CHN2: variants seen among roughly 807,000 people sequenced by gnomAD.
CHN2 encodes the protein beta-chimaerin.
CHN2 carries 35 observed loss-of-function variants against 56.3 expected under a neutral mutation model. That is an observed-to-expected ratio of 0.62 (90% confidence interval 0.47 to 0.82). The LOEUF is 0.82. Ranked by LOEUF, CHN2 falls within the 40% of genes least tolerant of loss-of-function variation. The pLI is 0.00. For synonymous variants in CHN2, 210 were observed against 212.8 expected, an observed-to-expected ratio of 0.99 and a Z score of 0.12; for missense variants, 491 against 580.5, an observed-to-expected ratio of 0.85 and a Z score of 1.58.
At chr7:29,297,608 C>T (rs939064257) in intron 1 of CHN2, among the ~76,000 whole-genome samples, 1 of 151,812 alleles carries the variant, frequency 6.6e-6, no homozygotes, top group Non-Finnish European at 1.5e-5. Flanking sequence ...CTCAAAAATC[C>T]CGAGGCCTTT....
intron 1 of CHN2, among the ~76,000 whole-genome samples, chr7:29,198,183 G>C (rs939645025): frequency 6.6e-6 from 1 of 152,210 alleles, no homozygotes; most frequent in Non-Finnish European, 1.5e-5. Flanking sequence ...CAGTGAAAAA[G>C]GAACAGTTAA....
chr7:29,221,121 G>A (rs1266782217), intron 1 of CHN2, among the ~76,000 whole-genome samples: 1 of 152,114 alleles, frequency 6.6e-6, no homozygotes, highest in Non-Finnish European at 1.5e-5. Flanking sequence ...TTATATAACT[G>A]CATACTTAAT....
intron 1 of CHN2, among the ~76,000 whole-genome samples, chr7:29,344,901 A>C (rs867096168): frequency 2.6e-5 from 4 of 152,134 alleles, no homozygotes; most frequent in Non-Finnish European, 5.9e-5. Flanking sequence ...TCCTCTTGCT[A>C]TGTTACAGTT....
chr7:29,308,664 A>T (rs975583392), intron 1 of CHN2, among the ~76,000 whole-genome samples: 2 of 152,198 alleles, frequency 1.3e-5, no homozygotes, highest in Admixed American at 6.5e-5. Context: ...CACCTGGGCC[A>T]CATTCCATAT....
chr7:29,160,093 C>G (rs918729247), intron 2 of CHN2, among the ~76,000 whole-genome samples: 5 of 152,168 alleles, frequency 3.3e-5, no homozygotes, highest in Admixed American at 2.6e-4. Flanking sequence ...TTCTGGCTCT[C>G]TGATAAAGAA....
At chr7:29,463,537 T>C (rs986689828) in intron 6 of CHN2, among the ~76,000 whole-genome samples, 1 of 152,206 alleles carries the variant, frequency 6.6e-6, no homozygotes, top group Non-Finnish European at 1.5e-5. Context: ...AAGGGCAGTT[T>C]CCTGTGGACT....
chr7:29,169,291 C>CA (rs1386278284), intron 2 of CHN2, among the ~76,000 whole-genome samples: 1 of 152,116 alleles, frequency 6.6e-6, no homozygotes, highest in Non-Finnish European at 1.5e-5. Context: ...TTCTATTATT[C>CA]AATCCCTTAA....
At chr7:29,311,862 C>G (rs929862832) in intron 1 of CHN2, among the ~76,000 whole-genome samples, 2 of 152,174 alleles carry the variant, frequency 1.3e-5, no homozygotes, top group Non-Finnish European at 2.9e-5. Context: ...AATAAATAAG[C>G]AAGAAAACAG....
intron 2 of CHN2, among the ~76,000 whole-genome samples, chr7:29,169,106 G>T (rs1233332863): frequency 1.3e-5 from 2 of 151,792 alleles, no homozygotes; most frequent in African/African-American, 2.4e-5. Context: ...ATAAAACATG[G>T]AATTTTCCCC....
intron 1 of CHN2, among the ~76,000 whole-genome samples, chr7:29,299,370 C>T (rs935975144): frequency 6.6e-6 from 1 of 152,226 alleles, no homozygotes; most frequent in Non-Finnish European, 1.5e-5. Flanking sequence ...TAAATCAACA[C>T]ATTCCTGACC....
chr7:29,416,860 G>A (rs953833584), intron 6 of CHN2, among the ~76,000 whole-genome samples: 6 of 152,278 alleles, frequency 3.9e-5, no homozygotes, highest in Middle Eastern at 3.4e-3. Context: ...CACCTTAGGC[G>A]TTCTCTAAGT....
chr7:29,348,182 C>T (rs1265225791), intron 1 of CHN2, among the ~76,000 whole-genome samples: 1 of 152,160 alleles, frequency 6.6e-6, no homozygotes, highest in East Asian at 1.9e-4. Context: ...CCTATTGCCC[C>T]GATTGTTCCC....
intron 1 of CHN2, among the ~76,000 whole-genome samples, chr7:29,226,887 G>C (rs1053887374): frequency 5.9e-4 from 90 of 152,116 alleles, no homozygotes; most frequent in African/African-American, 2.1e-3. Flanking sequence ...ACAAAATGGA[G>C]AATGAAAAAG....
At chr7:29,296,168 C>T (rs951927263) in intron 1 of CHN2, among the ~76,000 whole-genome samples, 2 of 151,992 alleles carry the variant, frequency 1.3e-5, no homozygotes, top group East Asian at 3.9e-4. Context: ...ACTGCAACCT[C>T]CACCTCCCAG....
chr7:29,264,920 T>G, intron 1 of CHN2, among the ~76,000 whole-genome samples: 1 of 132,176 alleles, frequency 7.6e-6, no homozygotes, highest in Non-Finnish European at 1.7e-5. Flanking sequence ...CATTAGACTT[T>G]TTAAAGGAGA....
intron 3 of CHN2, among the ~76,000 whole-genome samples, chr7:29,368,905 C>T (rs768651738): frequency 6.6e-6 from 1 of 152,148 alleles, no homozygotes; most frequent in Non-Finnish European, 1.5e-5. Flanking sequence ...AGTAGACTTT[C>T]TCATCCTAGG....
Position 29,396,459 on chromosome 7 carries a change from CAAAAAAAA to C in CHN2, c.177-1895_177-1888del, listed in dbSNP as rs35163855. On this transcript the variant is annotated intron_variant, in intron 4 of 12. Coordinates refer to ENST00000222792, the MANE Select transcript of CHN2 (RefSeq NM_004067.4). The stretch of plus-strand genomic sequence containing the variant: ...TTAGGCTACAGAGTGAGACTCTCTC[CAAAAAAAA>C]AAAAAAAAAAAAAAAAAATCTAGCT... Among the ~76,000 whole-genome samples the C allele has an allele frequency of 2.8e-4, 16 of 56,528 alleles. No individual in the cohort carries two copies. The South Asian group carries it at 3.2e-3, about 11-fold the overall frequency. 37.1% of individuals were successfully genotyped at this position (56,528 alleles called of 152,430 possible). A position where few individuals can be genotyped will look rare whatever the true frequency, so the allele number is the denominator to read the frequency against.
intron 7 of CHN2, among the ~76,000 whole-genome samples, chr7:29,492,765 A>G (rs1210452115): frequency 6.6e-6 from 1 of 152,190 alleles, no homozygotes; most frequent in Non-Finnish European, 1.5e-5. Flanking sequence ...TTCTACCCTC[A>G]GCCATCCAAA....
intron 1 of CHN2, among the ~76,000 whole-genome samples, chr7:29,234,627 A>T (rs1453190086): frequency 6.6e-6 from 1 of 152,210 alleles, no homozygotes; most frequent in Non-Finnish European, 1.5e-5. Flanking sequence ...TCAAAGCTAC[A>T]TGGTAATTTA....
Sources: gnomAD v4.1 joint callset for allele counts (sites outside exome capture counted in the v4.1 genomes callset) on GRCh38, gnomAD v4.1.1 for gene constraint, MANE v1.5 for transcripts, NCBI Gene and HGNC (gene_info 2026-07-23, HGNC 2026-07-21) for gene names.